The following STAG1 variants were observed in gnomAD, a reference collection of about 807,000 sequenced individuals.
STAG1 encodes the protein cohesin subunit SA-1.
STAG1 carries 26 observed loss-of-function variants against 170.9 expected under a neutral mutation model. That is an observed-to-expected ratio of 0.15 (90% confidence interval 0.11 to 0.21). The LOEUF (loss-of-function observed/expected upper bound fraction) is 0.21. Ranked by LOEUF, STAG1 falls within the 10% of genes least tolerant of loss-of-function variation. The pLI, the probability that STAG1 is intolerant of heterozygous loss-of-function variation, is 1.00. For synonymous variants in STAG1, 514 were observed against 497.7 expected (o/e 1.03, Z -0.44); for missense variants, 964 against 1,509.5 (o/e 0.64, Z 5.99).
chr3:136,666,038 G>GCAC (rs1203248135), intron 1 of STAG1, among the ~76,000 whole-genome samples: 4 of 123,236 alleles, frequency 3.2e-5, no homozygotes, highest in African/African-American at 1.2e-4. Flanking sequence ...TTGCGCCACT[G>GCAC]CACTCCAGCC....
At chr3:136,460,128 TAAAA>T (rs1435698789) in intron 13 of STAG1, among the ~76,000 whole-genome samples, 1 of 151,412 alleles carries the variant, frequency 6.6e-6, no homozygotes, top group Non-Finnish European at 1.5e-5. Context: ...TTAGCTGAAC[TAAAA>T]AAAAGAATAT....
intron 1 of STAG1, among the ~76,000 whole-genome samples, chr3:136,709,535 GA>G (rs1559964394): frequency 6.6e-6 from 1 of 151,688 alleles, no homozygotes; most frequent in Non-Finnish European, 1.5e-5. Context: ...AGGAGTTCAA[GA>G]CCAGCCTGGG....
chr3:136,657,089 G>A (rs1373734148), intron 1 of STAG1, among the ~76,000 whole-genome samples: 2 of 149,386 alleles, frequency 1.3e-5, no homozygotes, highest in Non-Finnish European at 3.0e-5. Context: ...AGAACTATGA[G>A]AAGAATTGCT....
In STAG1 at chr3:136,628,876, C is replaced by G. The variant is rs150978337; in HGVS notation, c.29+1994G>C. Among the ~76,000 whole-genome samples, 597 of 152,234 alleles carry G rather than the reference C, an allele frequency of 3.9e-3. 2 individuals are homozygous for G. The highest frequency in any genetic ancestry group is 0.031 in the Middle Eastern group (9 of 294). ...AGTAAACAGCACTAAGGTGACAAAT[C>G]CATCAGCAATTACAATATCTAAGTA... On this transcript the variant is annotated intron_variant, in intron 2 of 33. Coordinates refer to ENST00000383202, the MANE Select transcript of STAG1 (RefSeq NM_005862.3).
chr3:136,560,541 AAC>A (rs149237121), intron 5 of STAG1, among the ~76,000 whole-genome samples: 457 of 152,352 alleles, frequency 3.0e-3, no homozygotes, highest in African/African-American at 9.5e-3. Flanking sequence ...ACTCTAAGTC[AAC>A]AGTGTTTAAA....
intron 5 of STAG1, among the ~76,000 whole-genome samples, chr3:136,562,297 G>A (rs1936877332): frequency 2.0e-5 from 3 of 149,232 alleles, no homozygotes; most frequent in Admixed American, 1.4e-4. Context: ...TTTCGCTCCT[G>A]TTGCCCAGCC....
At chr3:136,736,368 T>A (rs1314950845) in intron 1 of STAG1, 1 of 735,474 alleles carries the variant, frequency 1.4e-6, no homozygotes, top group Admixed American at 2.3e-5. Flanking sequence ...TAAATTGTAT[T>A]GAAAAAATGG....
chr3:136,408,572 G>C (rs1043093215), intron 21 of STAG1, among the ~76,000 whole-genome samples: 3 of 152,052 alleles, frequency 2.0e-5, no homozygotes, highest in Non-Finnish European at 2.9e-5. Context: ...ATATGGTAGT[G>C]GGGCTAAAAG....
At chr3:136,444,666 A>C (rs2088725212) in intron 14 of STAG1, among the ~76,000 whole-genome samples, 2 of 152,232 alleles carry the variant, frequency 1.3e-5, no homozygotes, top group African/African-American at 4.8e-5. Flanking sequence ...ATACTATTTC[A>C]TTAACTGTAA....
chr3:136,607,919 G>A (rs560780340), intron 3 of STAG1, among the ~76,000 whole-genome samples: 2 of 152,304 alleles, frequency 1.3e-5, no homozygotes, highest in African/African-American at 4.8e-5. Flanking sequence ...ACAAGAAAGA[G>A]ACTGGGTTCC....
At chr3:136,582,450 T>A (rs1202517973) in intron 4 of STAG1, among the ~76,000 whole-genome samples, 2 of 152,104 alleles carry the variant, frequency 1.3e-5, no homozygotes, top group Admixed American at 6.6e-5. Context: ...AAGGAAAAAA[T>A]CCTTTGCTAG....
At chr3:136,421,592 G>C (rs1157198381) in intron 19 of STAG1, among the ~76,000 whole-genome samples, 1 of 152,080 alleles carries the variant, frequency 6.6e-6, no homozygotes, top group African/African-American at 2.4e-5. Context: ...ATGGTCATCA[G>C]AGCACAGAGA....
chr3:136,505,572 A>C lies in STAG1; in HGVS notation c.677-2793T>G, dbSNP rs1218459859. ...CGTAATTAAAAACTAGTCATTCATC[A>C]TAGCTAAAGAAGCACTTATTTAAAG... On this transcript the variant is annotated intron_variant, in intron 7 of 33. Coordinates refer to ENST00000383202, the MANE Select transcript of STAG1 (RefSeq NM_005862.3). 2.0e-5 allele frequency among the ~76,000 whole-genome samples: 3 copies of C among 152,236 alleles called. No individual in the cohort carries two copies. The East Asian group carries it at 5.8e-4, about 29-fold the overall frequency.
intron 23 of STAG1, among the ~76,000 whole-genome samples, chr3:136,373,008 T>C (rs1937429846): frequency 6.6e-6 from 1 of 152,222 alleles, no homozygotes; most frequent in African/African-American, 2.4e-5. Context: ...AGCTATTAAT[T>C]ATTGCCTCAA....
At chr3:136,664,558 G>A (rs1941688694) in intron 1 of STAG1, among the ~76,000 whole-genome samples, 1 of 152,096 alleles carries the variant, frequency 6.6e-6, no homozygotes, top group African/African-American at 2.4e-5. Flanking sequence ...TAACACCAAT[G>A]GAGCTTTTTT....
intron 6 of STAG1, among the ~76,000 whole-genome samples, chr3:136,522,681 T>C (rs948537862): frequency 6.6e-6 from 1 of 152,020 alleles, no homozygotes; most frequent in Non-Finnish European, 1.5e-5. Flanking sequence ...TAACTCATCA[T>C]TTACATGAGG....
intron 6 of STAG1, among the ~76,000 whole-genome samples, chr3:136,540,832 A>T (rs1287411256): frequency 7.2e-6 from 1 of 138,312 alleles, no homozygotes; most frequent in African/African-American, 3.1e-5. Flanking sequence ...CAAAAAAAAA[A>T]AAAAAAAAAA....
At chr3:136,556,746 C>T (rs1450133751) in intron 5 of STAG1, among the ~76,000 whole-genome samples, 2 of 151,896 alleles carry the variant, frequency 1.3e-5, no homozygotes, top group African/African-American at 2.4e-5. Flanking sequence ...CCACGCCCCA[C>T]TAATTCCTGC....
rs201987592 is a variant in STAG1 at position 136,437,317 on chromosome 3, C to T, written c.1547-3658G>A. Among the ~76,000 whole-genome samples, 7 of 152,308 alleles carry T rather than the reference C, an allele frequency of 4.6e-5. No homozygotes were observed. The East Asian group carries it at 1.3e-3, about 29-fold the overall frequency. On this transcript the variant is annotated intron_variant, in intron 15 of 33. Transcript: ENST00000383202. The stretch of plus-strand genomic sequence containing the variant: ...ACCCTGAACGGGGAGATAAGGTAAA[C>T]TCAAAAGCAGTTGAAATTTAATTGA...
Sources: allele counts gnomAD v4.1 joint callset (sites outside exome capture counted in the v4.1 genomes callset), GRCh38; gene constraint gnomAD v4.1.1; transcripts MANE v1.5; gene names NCBI Gene and HGNC (gene_info 2026-07-23, HGNC 2026-07-21).